SEC24D: variants seen among roughly 807,000 people sequenced by gnomAD.
SEC24D encodes protein transport protein Sec24D.
In SEC24D, 69 loss-of-function variants were observed where a neutral mutation model predicts 116.9. The ratio of observed to expected loss-of-function variants is 0.59; its 90% CI spans 0.49 to 0.72. The LOEUF (loss-of-function observed/expected upper bound fraction) is 0.72, where lower values mean the gene tolerates loss of function less well. SEC24D is among the 30% of genes least tolerant of loss of function. The pLI is 0.00. For synonymous variants in SEC24D, 405 were observed against 442.8 expected (o/e 0.91, Z 1.07); for missense variants, 1,131 against 1,264.1 (o/e 0.89, Z 1.60).
chr4:118,781,888 T>C (rs1728430277), intron 8 of SEC24D, among the ~76,000 whole-genome samples: 1 of 152,232 alleles, frequency 6.6e-6, no homozygotes, highest in African/African-American at 2.4e-5. Context: ...CTACTGAAGC[T>C]TGTGCATGCG....
intron 8 of SEC24D, among the ~76,000 whole-genome samples, chr4:118,792,754 G>C (rs970519862): frequency 6.6e-6 from 1 of 152,102 alleles, no homozygotes; most frequent in Non-Finnish European, 1.5e-5. Context: ...CAAAGACTGC[G>C]GAAGGCGGCA....
In SEC24D at chr4:118,787,844, G is replaced by A. The variant is rs946987697; in HGVS notation, c.1041+9839C>T. 2.6e-5 allele frequency among the ~76,000 whole-genome samples: 4 copies of A among 152,134 alleles called. No homozygotes were observed. In the East Asian group the frequency reaches 7.7e-4, roughly 29 times the overall value. Reference sequence around the variant, plus strand: ...ATGAAATAAACAAAATTAAAGTCGAGGTCTCACTCTGACACCAGGATAGAG... The same window carrying A: ...ATGAAATAAACAAAATTAAAGTCGAAGTCTCACTCTGACACCAGGATAGAG... On this transcript the variant is annotated intron_variant, in intron 8 of 22. Coordinates refer to ENST00000280551, the MANE Select transcript of SEC24D (RefSeq NM_014822.4).
Position 118,824,595 on chromosome 4 carries a change from G to A in SEC24D, c.248+25C>T, listed in dbSNP as rs774196146. ...AATAATTTTAGGAGAATATACAAACGAAGGTTGGAATCTACCTAGCTCACC... is the reference window on the plus strand; with the variant it reads ...AATAATTTTAGGAGAATATACAAACAAAGGTTGGAATCTACCTAGCTCACC... On this transcript the variant is annotated intron_variant, in intron 3 of 22. Coordinates refer to ENST00000280551, the MANE Select transcript of SEC24D (RefSeq NM_014822.4). The A allele has an allele frequency of 1.2e-5, 19 of 1,591,210 alleles. 1 individual carries two copies. The highest frequency in any genetic ancestry group is 3.5e-5 in the South Asian group (3 of 86,826).
chr4:118,756,818 A>T (rs1241607602), intron 11 of SEC24D, among the ~76,000 whole-genome samples: 1 of 152,164 alleles, frequency 6.6e-6, no homozygotes, highest in African/African-American at 2.4e-5. Context: ...AGATAATTTT[A>T]AAATAGCCAC....
intron 10 of SEC24D, 44 bp from the exon 11 acceptor site, chr4:118,757,889 G>A: frequency 6.5e-7 from 1 of 1,530,430 alleles, no homozygotes; most frequent in Non-Finnish European, 8.9e-7. Context: ...TAAATACATT[G>A]CATAATCAAA....
chr4:118,737,722 G>A (rs1473612153), intron 19 of SEC24D, among the ~76,000 whole-genome samples: 2 of 152,048 alleles, frequency 1.3e-5, no homozygotes, highest in African/African-American at 2.4e-5. Flanking sequence ...GACTAAATGA[G>A]GTTTATTCAA....
At chr4:118,834,009 G>T (rs941164268) in intron 1 of SEC24D, among the ~76,000 whole-genome samples, 1 of 152,150 alleles carries the variant, frequency 6.6e-6, no homozygotes, top group Admixed American at 6.5e-5. Flanking sequence ...TTTTTTAATG[G>T]AAGCCTGAAG....
chr4:118,781,667 A>C lies in SEC24D; in HGVS notation c.1042-13356T>G, dbSNP rs189833498. Among the ~76,000 whole-genome samples, 500 of 152,208 alleles carry C rather than the reference A, an allele frequency of 3.3e-3. 3 individuals are homozygous for C. The highest frequency in any genetic ancestry group is 0.011 in the African/African-American group (471 of 41,520). On this transcript the variant is annotated intron_variant, in intron 8 of 22. Transcript: ENST00000280551. ...TAGGTTGGGGAAGTTCTCCTGGATA[A>C]TGTTCTGAAGAGTGTTTTCCAACTT...
intron 9 of SEC24D, 76 bp downstream of exon 9, chr4:118,768,097 T>C (rs1051134251): frequency 1.3e-4 from 166 of 1,268,724 alleles, no homozygotes; most frequent in Non-Finnish European, 1.7e-4. Context: ...GAATGTATGC[T>C]TCTCCTAAAC....
chr4:118,782,783 T>C (rs1728475342), intron 8 of SEC24D, among the ~76,000 whole-genome samples: 1 of 152,156 alleles, frequency 6.6e-6, no homozygotes, highest in East Asian at 1.9e-4. Flanking sequence ...GGCTGGTTTG[T>C]TTACCTACTC....
At chr4:118,737,903 T>C (rs1051123349) in intron 19 of SEC24D, among the ~76,000 whole-genome samples, 9 of 152,174 alleles carry the variant, frequency 5.9e-5, no homozygotes, top group African/African-American at 2.2e-4. Context: ...ACTTTGTTAA[T>C]ATGCCTAAAA....
At chr4:118,831,995 G>C (rs374816000) in intron 2 of SEC24D, among the ~76,000 whole-genome samples, 12 of 152,234 alleles carry the variant, frequency 7.9e-5, no homozygotes, top group East Asian at 7.7e-4. Flanking sequence ...GTGAGGTCAG[G>C]AGTTCGAGAC....
intron 1 of SEC24D, among the ~76,000 whole-genome samples, chr4:118,834,534 C>T (rs1367341729): frequency 6.6e-6 from 1 of 151,758 alleles, no homozygotes; most frequent in Admixed American, 6.6e-5. Context: ...TTTAAATTTT[C>T]TATTTTTTCC....
At chr4:118,793,991 T>C (rs953009961) in intron 8 of SEC24D, among the ~76,000 whole-genome samples, 12 of 152,292 alleles carry the variant, frequency 7.9e-5, no homozygotes, top group African/African-American at 2.9e-4. Context: ...ATTCCAGAAA[T>C]AAGCTACCAT....
At chr4:118,761,017 G>A (rs1305897416) in intron 10 of SEC24D, among the ~76,000 whole-genome samples, 3 of 151,868 alleles carry the variant, frequency 2.0e-5, no homozygotes, top group African/African-American at 4.8e-5. Flanking sequence ...GCACCTGGCC[G>A]GTAATTCTAT....
At chr4:118,723,907 C>A (rs972262160) in intron 22 of SEC24D, among the ~76,000 whole-genome samples, 2 of 152,090 alleles carry the variant, frequency 1.3e-5, no homozygotes, top group Admixed American at 1.3e-4. Flanking sequence ...AAAGGCTTCA[C>A]AGTGATAGTA....
Position 118,805,858 on chromosome 4 carries a change from T to C in SEC24D, c.898A>G (p.Met300Val). 6.4e-7 allele frequency: 1 copy of C among 1,560,980 alleles called. No individual in the cohort carries two copies. The highest frequency in any genetic ancestry group is 8.6e-7 in the Non-Finnish European group (1 of 1,159,506). The change falls in exon 7 of 23, where the codon ATG (methionine) becomes GTG (valine). Residue 300 changes from methionine to valine, a missense_variant. Coordinates refer to ENST00000280551, the MANE Select transcript of SEC24D (RefSeq NM_014822.4). ...AAACAAATACCTTGGTCTTGTATCA[T>C]GCAATCTGTAGTGACCAGGGGAGGG... ...QIPPLVTTDC[M>V]IQDQGNASPR...
chr4:118,728,472 C>A, intron 22 of SEC24D, 89 bp downstream of exon 22: 1 of 720,774 alleles, frequency 1.4e-6, no homozygotes. Context: ...AATCAAAGAT[C>A]ACGTCATAAA....
At chr4:118,758,200 C>T (rs937715311) in intron 10 of SEC24D, among the ~76,000 whole-genome samples, 2 of 152,024 alleles carry the variant, frequency 1.3e-5, no homozygotes, top group Non-Finnish European at 1.5e-5. Context: ...CCTTACAGGT[C>T]GAAATATGTT....
Sources: gnomAD v4.1 joint callset for allele counts (sites outside exome capture counted in the v4.1 genomes callset) on GRCh38, gnomAD v4.1.1 for gene constraint, MANE v1.5 for transcripts, NCBI Gene and HGNC (gene_info 2026-07-23, HGNC 2026-07-21) for gene names.